STAT4: variants seen among roughly 807,000 people sequenced by gnomAD.
The protein encoded by STAT4 is signal transducer and activator of transcription 4.
In STAT4, 42 loss-of-function variants were observed where a neutral mutation model predicts 110.5. The observed-to-expected ratio is 0.38, with a 90% CI of 0.30 to 0.49. The LOEUF (loss-of-function observed/expected upper bound fraction) is 0.49, where lower values mean the gene tolerates loss of function less well. Among genes scored for constraint, STAT4 ranks in the 20% least tolerant of loss-of-function variants. STAT4 has a pLI of 0.95. For missense variants in STAT4, 632 were observed against 887.9 expected, an observed-to-expected ratio of 0.71 and a Z score of 3.66; for synonymous variants, 284 against 302.2, an observed-to-expected ratio of 0.94 and a Z score of 0.63.
intron 3 of STAT4, among the ~76,000 whole-genome samples, chr2:191,136,490 G>A (rs1300806094): frequency 3.3e-5 from 5 of 152,194 alleles, no homozygotes; most frequent in African/African-American, 4.8e-5. Flanking sequence ...TGTGGCTTAC[G>A]CTTGTAATCC....
chr2:191,057,261 A>C (rs1463117428), intron 13 of STAT4, among the ~76,000 whole-genome samples: 2 of 152,174 alleles, frequency 1.3e-5, no homozygotes, highest in Non-Finnish European at 1.5e-5. Flanking sequence ...TGAGAACATG[A>C]AATATTTATC....
intron 18 of STAT4, among the ~76,000 whole-genome samples, chr2:191,034,250 A>G (rs780048923): frequency 4.3e-4 from 66 of 151,876 alleles, no homozygotes; most frequent in Non-Finnish European, 2.8e-4. Context: ...GTGAAACCCC[A>G]CCTCTACTAA....
chr2:191,055,645 G>A (rs982748494), intron 13 of STAT4, among the ~76,000 whole-genome samples: 6 of 152,096 alleles, frequency 3.9e-5, no homozygotes, highest in Admixed American at 2.0e-4. Context: ...GAGCCACCAC[G>A]CCCAGCTGAT....
At position 191,061,630 on chromosome 2, in the gene STAT4, A is replaced by G. The variant is rs1239791912; in HGVS notation, c.1034+99T>C. 3.5e-6 allele frequency: 4 copies of G among 1,128,732 alleles called. No individual in the cohort carries two copies. Among genetic ancestry groups the G allele is most frequent in the Admixed American group, 3.5e-5 (2 of 57,850 alleles). 69.9% of individuals were successfully genotyped at this position (1,128,732 alleles called of 1,614,324 possible). On this transcript the variant is annotated intron_variant, in intron 10 of 23. Coordinates refer to ENST00000392320, the MANE Select transcript of STAT4 (RefSeq NM_003151.4). The surrounding 1 kb of genome is among the most constrained non-coding windows in gnomAD (Gnocchi z 6.2). The stretch of plus-strand genomic sequence containing the variant: ...GCACACAGCAGATGGTTCAATAAAG[A>G]ACAGCTGAATGCAAGCCACAATGAG...
rs1695964942 is a variant in STAT4, at chr2:191,033,793, G to C, written c.1715+118C>G. The C allele has an allele frequency of 7.5e-7, 1 of 1,327,086 alleles. No homozygotes were observed. The highest frequency in any genetic ancestry group is 1.5e-5 in the African/African-American group (1 of 67,442). The allele number at this position is 1,327,086 out of a possible 1,614,324, so 82.2% of individuals were successfully genotyped here. On this transcript the variant is annotated intron_variant, in intron 19 of 23. Coordinates refer to ENST00000392320, the MANE Select transcript of STAT4 (RefSeq NM_003151.4). The surrounding 1 kb of genome is among the most constrained non-coding windows in gnomAD (Gnocchi z 6.9). ...GCCACTCCACAAAGAATAAGAAATT[G>C]CAACTATTTTTTTCTGTGGTACTAA...
At chr2:191,115,040 TACA>T (rs562936226) in intron 3 of STAT4, among the ~76,000 whole-genome samples, 360 of 152,360 alleles carry the variant, frequency 2.4e-3, no homozygotes, top group African/African-American at 5.8e-3. Context: ...TGATTTTTTT[TACA>T]ACAAGTATGA....
At chr2:191,120,359 AT>A (rs1434059144) in intron 3 of STAT4, among the ~76,000 whole-genome samples, 8 of 152,144 alleles carry the variant, frequency 5.3e-5, no homozygotes. Flanking sequence ...AGACAAAACA[AT>A]TTTAAATGAT....
At chr2:191,080,878 T>A (rs142121984) in intron 3 of STAT4, among the ~76,000 whole-genome samples, 21 of 152,224 alleles carry the variant, frequency 1.4e-4, no homozygotes, top group Middle Eastern at 3.4e-3. Context: ...ATACTTTAAG[T>A]TCTGGGATAC....
rs560783870 is a variant in STAT4, at chr2:191,032,282, C to T, written c.2044+676G>A. ...GATGAAGATTTTTATGGATTGTATA[C>T]ACTTTCATTAAAGAAACAGAATGGT... On this transcript the variant is annotated intron_variant, in intron 21 of 23. Coordinates refer to ENST00000392320, the MANE Select transcript of STAT4 (RefSeq NM_003151.4). This position sits in a 1 kb window ranked among gnomAD's most constrained non-coding sequence, Gnocchi z 4.9. 7 of 152,320 alleles carry T rather than the reference C, an allele frequency of 4.6e-5. No individual in the cohort carries two copies. The highest frequency in any genetic ancestry group is 4.1e-4 in the South Asian group (2 of 4,834). The allele number at this position is 152,320 out of a possible 1,614,324, so 9.4% of individuals were successfully genotyped here.
Position 191,104,698 on chromosome 2 carries a change from A to G in STAT4, c.274-28373T>C, listed in dbSNP as rs923072463. Reference sequence around the variant, plus strand: ...CCCCATATGATTTGAAAGGATATATATTGTCAAAGAATAAAGAATGATCCT... The same window carrying G: ...CCCCATATGATTTGAAAGGATATATGTTGTCAAAGAATAAAGAATGATCCT... On this transcript the variant is annotated intron_variant, in intron 3 of 23. Transcript: ENST00000392320. The surrounding 1 kb of genome is among the most constrained non-coding windows in gnomAD (Gnocchi z 4.3). Among the ~76,000 whole-genome samples the G allele has an allele frequency of 6.6e-6, 1 of 152,236 alleles. No homozygotes were observed. The highest frequency in any genetic ancestry group is 2.4e-5 in the African/African-American group (1 of 41,470).
intron 3 of STAT4, among the ~76,000 whole-genome samples, chr2:191,111,246 C>T (rs1381728334): frequency 6.6e-6 from 1 of 152,160 alleles, no homozygotes; most frequent in Non-Finnish European, 1.5e-5. Flanking sequence ...TTCCTCTCCT[C>T]TACTTAACTT....
intron 3 of STAT4, among the ~76,000 whole-genome samples, chr2:191,120,206 A>G (rs929975701): frequency 3.9e-5 from 6 of 152,214 alleles, no homozygotes; most frequent in Non-Finnish European, 7.3e-5. Context: ...CTCAATTAAA[A>G]CTAAGAACTG....
At chr2:191,084,913 T>G (rs1452017994) in intron 3 of STAT4, among the ~76,000 whole-genome samples, 2 of 152,010 alleles carry the variant, frequency 1.3e-5, no homozygotes, top group Non-Finnish European at 2.9e-5. Context: ...TAAGGTTTAT[T>G]TATTCATAAG....
At position 191,062,090 on chromosome 2, in the gene STAT4, T is replaced by C. The variant is rs190034400; in HGVS notation, c.942-269A>G. 7.2e-5 allele frequency among the ~76,000 whole-genome samples: 11 copies of C among 152,354 alleles called. No homozygotes were observed. The East Asian group carries it at 2.1e-3, about 29-fold the overall frequency. On this transcript the variant is annotated intron_variant, in intron 9 of 23. Coordinates refer to ENST00000392320, the MANE Select transcript of STAT4 (RefSeq NM_003151.4). The surrounding 1 kb of genome is among the most constrained non-coding windows in gnomAD (Gnocchi z 4.9). ...TTTTCTTTTGAGAAGGGTCTCCCTC[T>C]GTTGCCCAGGCTGAAGTGCAGTGGC... is the stretch of plus-strand genomic sequence containing the variant.
At position 191,144,089 on chromosome 2, in the gene STAT4, T is replaced by A. The variant is rs1238605409; in HGVS notation, c.273+2524A>T. On this transcript the variant is annotated intron_variant, in intron 3 of 23. Transcript: ENST00000392320. This position sits in a 1 kb window ranked among gnomAD's most constrained non-coding sequence, Gnocchi z 4.7. ...AAATATCTTAATTCACCAAATTGTT[T>A]TTTGAATTCCTAGTGTGCACTAGAA... Among the ~76,000 whole-genome samples the A allele has an allele frequency of 6.6e-6, 1 of 152,146 alleles. No individual in the cohort carries two copies. The highest frequency in any genetic ancestry group is 1.5e-5 in the Non-Finnish European group (1 of 68,022).
chr2:191,136,952 A>AT (rs1413382584), intron 3 of STAT4, among the ~76,000 whole-genome samples: 4 of 152,236 alleles, frequency 2.6e-5, no homozygotes, highest in Non-Finnish European at 4.4e-5. Flanking sequence ...AGACAATCTC[A>AT]TTTATAATAC....
intron 14 of STAT4, among the ~76,000 whole-genome samples, chr2:191,049,816 C>T (rs1696468746): frequency 6.6e-6 from 1 of 152,140 alleles, no homozygotes; most frequent in Non-Finnish European, 1.5e-5. Context: ...CTGCTTAGCT[C>T]ATAAAGCCCT....
Position 191,051,005 on chromosome 2 carries a change from G to C in STAT4, c.1251+3485C>G, listed in dbSNP as rs1409292177. ...TGATACAAAGTCTTACAACCAAAAA[G>C]TAGAATGGAGCGACCCAAAATTGTG... On this transcript the variant is annotated intron_variant, in intron 14 of 23. Transcript: ENST00000392320. This position sits in a 1 kb window ranked among gnomAD's most constrained non-coding sequence, Gnocchi z 5.6. 6.6e-6 allele frequency among the ~76,000 whole-genome samples: 1 copy of C among 152,144 alleles called. No homozygotes were observed. Among genetic ancestry groups the C allele is most frequent in the African/African-American group, 2.4e-5 (1 of 41,436 alleles).
intron 3 of STAT4, among the ~76,000 whole-genome samples, chr2:191,118,550 G>GT (rs1006537714): frequency 6.6e-6 from 1 of 152,010 alleles, no homozygotes; most frequent in African/African-American, 2.4e-5. Flanking sequence ...TTCAGATATA[G>GT]TTTTTTAATA....
Sources: gnomAD v4.1 joint callset for allele counts (sites outside exome capture counted in the v4.1 genomes callset) on GRCh38, gnomAD v4.1.1 for gene constraint, Gnocchi (gnomAD v3.1) non-coding constraint, MANE v1.5 for transcripts, NCBI Gene and HGNC (gene_info 2026-07-23, HGNC 2026-07-21) for gene names.